The following POLQ variants were observed in gnomAD, a reference collection of about 807,000 sequenced individuals.
POLQ encodes DNA polymerase theta, also known as epididymis secretory sperm binding protein.
Under a neutral mutation model 259.2 loss-of-function variants are expected in POLQ, and 233 were observed. That is an observed-to-expected ratio of 0.90 (90% CI 0.81 to 1.00). The LOEUF (loss-of-function observed/expected upper bound fraction) is 1.00. POLQ is among the 50% of genes least tolerant of loss of function. The pLI is 0.00. For missense variants in POLQ, 2,871 were observed against 3,051.6 expected (o/e 0.94, Z 1.39); for synonymous variants, 1,025 against 1,048.8 (o/e 0.98, Z 0.44).
intron 18 of POLQ, among the ~76,000 whole-genome samples, chr3:121,482,398 T>C (rs1576412073): frequency 1.3e-5 from 2 of 151,932 alleles, no homozygotes; most frequent in Middle Eastern, 3.4e-3. Context: ...TGGGCACCTG[T>C]AATCCCAGCT....
chr3:121,449,458 A>G, intron 25 of POLQ, 32 bp from the exon 26 acceptor site: 1 of 1,173,114 alleles, frequency 8.5e-7, no homozygotes, highest in Non-Finnish European at 1.3e-6. Flanking sequence ...AATAAAGGTT[A>G]TAAGTACATA....
At chr3:121,460,023 T>C (rs2047777885) in intron 25 of POLQ, 27 bp downstream of exon 25, 2 of 1,564,538 alleles carry the variant, frequency 1.3e-6, no homozygotes, top group Non-Finnish European at 1.8e-6. Context: ...TCTTCTCCTT[T>C]ATATTAACCA....
chr3:121,529,789 C>A lies in POLQ; in HGVS notation c.964G>T (p.Asp322Tyr). ...EFEPMLQVKG[D>Y]EDHVVSLCYE... ...CATAAACTAACAACATGGTCCTCAT[C>A]TCCCTAAAACAGAAAGATAAATAAC... The change falls in exon 7 of 30, where the codon GAT becomes TAT. Residue 322 changes from aspartate (D) to tyrosine (Y), a missense_variant. Coordinates refer to ENST00000264233, the MANE Select transcript of POLQ (RefSeq NM_199420.4). 1 of 1,602,792 alleles carries A rather than the reference C, an allele frequency of 6.2e-7. No homozygotes were observed. Among genetic ancestry groups the A allele is most frequent in the Non-Finnish European group, 8.5e-7 (1 of 1,175,882 alleles).
At chr3:121,519,359 G>GATATATAT (rs58512042) in intron 9 of POLQ, among the ~76,000 whole-genome samples, 3,495 of 136,566 alleles carry the variant, frequency 0.026, 64 homozygotes, top group Non-Finnish European at 0.034. Context: ...AACAGTTGAT[G>GATATATAT]ATATATATAT....
chr3:121,514,882 G>A (rs1044955128), intron 9 of POLQ, among the ~76,000 whole-genome samples: 9 of 152,178 alleles, frequency 5.9e-5, no homozygotes, highest in Non-Finnish European at 1.2e-4. Context: ...CAGCCTCCAG[G>A]CCCAGCGTCA....
chr3:121,497,919 TA>T lies in POLQ; in HGVS notation c.2153+557del, dbSNP rs138135420. Among the ~76,000 whole-genome samples the T allele has an allele frequency of 7.9e-3, 1,206 of 152,354 alleles. 12 individuals are homozygous for T. Among genetic ancestry groups the T allele is most frequent in the African/African-American group, 0.028 (1,163 of 41,576 alleles). ...CAACACCTTCTTTACAAAAGAGAGG[TA>T]ATTAAATATTCTACCTTAAAAGATA... On this transcript the variant is annotated intron_variant, in intron 13 of 29. Transcript: ENST00000264233.
At chr3:121,446,407 G>T (rs979360714) in intron 26 of POLQ, among the ~76,000 whole-genome samples, 1 of 152,128 alleles carries the variant, frequency 6.6e-6, no homozygotes, top group Non-Finnish European at 1.5e-5. Flanking sequence ...GTATTGTGTG[G>T]CCATTAAATG....
chr3:121,511,788 T>C, intron 10 of POLQ, 99 bp downstream of exon 10: 2 of 986,620 alleles, frequency 2.0e-6, no homozygotes, highest in Non-Finnish European at 2.9e-6. Flanking sequence ...AAAAATAAAT[T>C]AAAAAAAATA....
intron 12 of POLQ, 52 bp downstream of exon 12, chr3:121,509,509 T>A: frequency 6.8e-7 from 1 of 1,461,024 alleles, no homozygotes; most frequent in Non-Finnish European, 9.5e-7. Context: ...GGATTATATA[T>A]CTATTTTTTT....
chr3:121,457,805 A>T (rs1403723169), intron 25 of POLQ, among the ~76,000 whole-genome samples: 1 of 152,052 alleles, frequency 6.6e-6, no homozygotes, highest in Non-Finnish European at 1.5e-5. Flanking sequence ...AACTAGTTCA[A>T]CCATTGTGGA....
At chr3:121,463,878 C>G (rs1423681341) in intron 24 of POLQ, among the ~76,000 whole-genome samples, 1 of 152,020 alleles carries the variant, frequency 6.6e-6, no homozygotes, top group Non-Finnish European at 1.5e-5. Flanking sequence ...AAAAGTGTTA[C>G]AATACAGTTA....
intron 26 of POLQ, among the ~76,000 whole-genome samples, chr3:121,442,379 A>G (rs546719435): frequency 1.3e-5 from 2 of 152,300 alleles, no homozygotes; most frequent in Admixed American, 6.5e-5. Flanking sequence ...GTGCTAGCAA[A>G]TACTAGTTCT....
At chr3:121,542,228 A>G (rs943544442) in intron 2 of POLQ, among the ~76,000 whole-genome samples, 2 of 152,064 alleles carry the variant, frequency 1.3e-5, no homozygotes, top group African/African-American at 4.8e-5. Context: ...TAAGGAAGAA[A>G]GCAAGAGGAG....
chr3:121,483,292 C>A, intron 18 of POLQ, 94 bp downstream of exon 18: 1 of 609,496 alleles, frequency 1.6e-6, no homozygotes, highest in South Asian at 3.6e-5. Context: ...TACTTTTAAG[C>A]TGCATTATTG....
At chr3:121,500,619 A>G (rs752752575) in intron 12 of POLQ, among the ~76,000 whole-genome samples, 9 of 152,238 alleles carry the variant, frequency 5.9e-5, no homozygotes, top group Non-Finnish European at 1.2e-4. Flanking sequence ...CATAATGAGT[A>G]CCAGGAGAAG....
intron 25 of POLQ, among the ~76,000 whole-genome samples, chr3:121,453,371 C>T (rs543452911): frequency 2.1e-3 from 315 of 152,266 alleles, no homozygotes; most frequent in African/African-American, 6.3e-3. Context: ...TCACCAGCAA[C>T]GGAACAAAGC....
chr3:121,516,431 C>T (rs73855402), intron 9 of POLQ, among the ~76,000 whole-genome samples: 2,132 of 152,214 alleles, frequency 0.014, 55 homozygotes, highest in African/African-American at 0.049. Context: ...AAAGGTCTTT[C>T]GGGGCTTTGA....
Position 121,479,548 on chromosome 3 carries a change from C to T in POLQ, c.6211+2024G>A, listed in dbSNP as rs148117414. Among the ~76,000 whole-genome samples, 414 of 152,158 alleles carry T rather than the reference C, an allele frequency of 2.7e-3. 3 individuals are homozygous for T. The highest frequency in any genetic ancestry group is 9.0e-3 in the African/African-American group (373 of 41,518). On this transcript the variant is annotated intron_variant, in intron 19 of 29. Transcript: ENST00000264233. ...CAGAATCTCTGCTCACTGCAACCTC[C>T]GCCTCCGGTATTCTCGTGCCTCAGC...
rs566120115 is a variant in POLQ at position 121,513,435 on chromosome 3, C to CTAAAT, written c.1469-1407_1469-1406insATTTA. On this transcript the variant is annotated intron_variant, in intron 9 of 29. Transcript: ENST00000264233. ...TGGCCAACATGGTGAAACCCCGCCTCTACTAAAAATACAAAAATTAGCTGG... is the reference window on the plus strand; with the variant it reads ...TGGCCAACATGGTGAAACCCCGCCTCTAAATTACTAAAAATACAAAAATTAGCTGG... 2.6e-4 allele frequency among the ~76,000 whole-genome samples: 39 copies of CTAAAT among 151,570 alleles called. No homozygotes were observed. In the East Asian group the frequency reaches 7.4e-3, roughly 29 times the overall value.
Sources: gnomAD v4.1 joint callset for allele counts (sites outside exome capture counted in the v4.1 genomes callset) on GRCh38, gnomAD v4.1.1 for gene constraint, MANE v1.5 for transcripts, NCBI Gene and HGNC (gene_info 2026-07-23, HGNC 2026-07-21) for gene names.